Variants in ZPBP observed in about 807,000 individuals in gnomAD.
ZPBP encodes zona pellucida-binding protein 1.
A neutral mutation model predicts 44.8 loss-of-function variants in ZPBP; 26 were observed. That is an observed-to-expected ratio of 0.58 (90% confidence interval 0.43 to 0.81). The LOEUF is 0.81. Among genes scored for constraint, ZPBP ranks in the 30% least tolerant of loss-of-function variants. The probability of loss-of-function intolerance (pLI) is 0.00; values close to 1 mark genes in which losing one functional copy is unlikely to be tolerated. For missense variants in ZPBP, 409 were observed against 434.0 expected (o/e 0.94, Z 0.51); for synonymous variants, 174 against 153.2 (o/e 1.14, Z -1.00).
intron 3 of ZPBP, among the ~76,000 whole-genome samples, chr7:50,076,454 G>GGAAA (rs1802085893): frequency 2.6e-5 from 4 of 151,740 alleles, no homozygotes. Context: ...CATCCAAATT[G>GGAAA]GAAAGAAAGA....
intron 3 of ZPBP, among the ~76,000 whole-genome samples, chr7:50,065,086 A>T (rs1801433569): frequency 6.6e-6 from 1 of 152,228 alleles, no homozygotes; most frequent in East Asian, 1.9e-4. Flanking sequence ...GTAGTCCCTG[A>T]CTTCCCACAA....
chr7:49,912,251 A>T (rs902702668), intron 1 of ZPBP: 30 of 1,495,832 alleles, frequency 2.0e-5, no homozygotes, highest in Non-Finnish European at 2.5e-5. Context: ...ATTCTAGATG[A>T]CTCTGGGAAC....
rs146137930 is a variant in ZPBP, at chr7:49,915,707, A to G, written n.412-14492T>C. ...GAAAACAAAATTATAGACATAAACTATGATTTTAAAAATATTAACAATTTG... is the reference window on the plus strand; with the variant it reads ...GAAAACAAAATTATAGACATAAACTGTGATTTTAAAAATATTAACAATTTG... On this transcript the variant is annotated intron_variant and non_coding_transcript_variant, in intron 1 of 2. Coordinates refer to the ZPBP transcript ENST00000465922. The G allele has an allele frequency of 2.0e-4, 31 of 152,198 alleles. No homozygotes were observed. In the East Asian group the frequency reaches 5.8e-3, roughly 28 times the overall value. The allele number at this position is 152,198 out of a possible 1,614,324, so 9.4% of individuals were successfully genotyped here.
chr7:50,061,956 G>A (rs1477725232), intron 3 of ZPBP, among the ~76,000 whole-genome samples: 1 of 152,152 alleles, frequency 6.6e-6, no homozygotes, highest in Admixed American at 6.6e-5. Context: ...TTCTAGATCT[G>A]ATAAACAACT....
At chr7:49,979,842 T>G (rs1365297307) in intron 7 of ZPBP, among the ~76,000 whole-genome samples, 1 of 76,094 alleles carries the variant, frequency 1.3e-5, no homozygotes, top group Non-Finnish European at 2.4e-5. Context: ...TATATATATA[T>G]ATATAAAATA....
chr7:49,885,286 G>A (rs1791849256), intron 2 of ZPBP, among the ~76,000 whole-genome samples: 2 of 152,036 alleles, frequency 1.3e-5, no homozygotes, highest in Admixed American at 1.3e-4. Context: ...CATAAAATGA[G>A]AGGTAATTTC....
intron 7 of ZPBP, among the ~76,000 whole-genome samples, chr7:49,955,541 A>G (rs926980476): frequency 1.3e-5 from 2 of 152,104 alleles, no homozygotes; most frequent in African/African-American, 4.8e-5. Context: ...TGGGCAAGAG[A>G]GCGAGACTCT....
At chr7:50,009,670 A>G (rs1474858412) in intron 6 of ZPBP, among the ~76,000 whole-genome samples, 3 of 152,108 alleles carry the variant, frequency 2.0e-5, no homozygotes, top group Non-Finnish European at 4.4e-5. Flanking sequence ...TTTATAAAAC[A>G]CAGAGGAAAC....
chr7:49,950,339 G>A (rs1001326520), intron 7 of ZPBP, among the ~76,000 whole-genome samples: 17 of 151,852 alleles, frequency 1.1e-4, no homozygotes, highest in Non-Finnish European at 4.4e-5. Context: ...CCAGCTGTAT[G>A]CTGTTAACAC....
rs1196085530 is a variant in ZPBP, at chr7:49,940,682, A to AT, written c.962-3061dup. 4 of 865,068 alleles carry AT rather than the reference A, an allele frequency of 4.6e-6. No homozygotes were observed. The East Asian group carries it at 4.8e-4, about 105-fold the overall frequency. The allele number at this position is 865,068 out of a possible 1,614,324, so 53.6% of individuals were successfully genotyped here. ...AAAAAAAAAAGCTGTGTTTGAAATG[A>AT]TTAAAAAAAAAAAATTGTGGCATTT... On this transcript the variant is annotated intron_variant, in intron 7 of 7. Coordinates refer to ENST00000046087, the MANE Select transcript of ZPBP (RefSeq NM_007009.3).
At chr7:50,044,267 G>A (rs1168436377) in intron 4 of ZPBP, among the ~76,000 whole-genome samples, 2 of 152,004 alleles carry the variant, frequency 1.3e-5, no homozygotes, top group Non-Finnish European at 2.9e-5. Flanking sequence ...AGAGAAGCAA[G>A]AGCAAACAAA....
intron 7 of ZPBP, among the ~76,000 whole-genome samples, chr7:49,961,784 C>A (rs1795870690): frequency 6.6e-6 from 1 of 151,932 alleles, no homozygotes; most frequent in Non-Finnish European, 1.5e-5. Context: ...AGAGAGAAGA[C>A]AATGAAATTG....
At chr7:50,028,051 C>T (rs1339020966) in intron 5 of ZPBP, among the ~76,000 whole-genome samples, 1 of 151,912 alleles carries the variant, frequency 6.6e-6, no homozygotes, top group Non-Finnish European at 1.5e-5. Context: ...CACTTCCAAA[C>T]TCATATCATG....
chr7:49,952,657 T>C (rs906401540), intron 7 of ZPBP, among the ~76,000 whole-genome samples: 1 of 151,956 alleles, frequency 6.6e-6, no homozygotes, highest in Non-Finnish European at 1.5e-5. Context: ...TGGAAGAGAA[T>C]GGAGCAATGG....
intron 4 of ZPBP, among the ~76,000 whole-genome samples, chr7:50,047,587 T>C (rs79915774): frequency 0.035 from 5,117 of 145,790 alleles, 248 homozygotes; most frequent in African/African-American, 0.12. Context: ...GATAGGAGAC[T>C]AAAACTAGAC....
At chr7:49,969,191 G>T (rs1333196738) in intron 7 of ZPBP, among the ~76,000 whole-genome samples, 1 of 148,642 alleles carries the variant, frequency 6.7e-6, no homozygotes, top group Admixed American at 6.7e-5. Context: ...ACAATAAATA[G>T]AATATGATAT....
chr7:49,938,354 A>C (rs749687747), intron 7 of ZPBP, among the ~76,000 whole-genome samples: 9 of 152,222 alleles, frequency 5.9e-5, no homozygotes, highest in Non-Finnish European at 8.8e-5. Flanking sequence ...TATGAGGATA[A>C]TGAAATCATG....
At chr7:49,908,909 A>G (rs1473888916) in intron 1 of ZPBP, among the ~76,000 whole-genome samples, 1 of 152,248 alleles carries the variant, frequency 6.6e-6, no homozygotes, top group Non-Finnish European at 1.5e-5. Flanking sequence ...TTTATATTCT[A>G]CAGTAAAATG....
chr7:49,867,511 T>C (rs1790950761), intron 2 of ZPBP, among the ~76,000 whole-genome samples: 1 of 152,202 alleles, frequency 6.6e-6, no homozygotes, highest in African/African-American at 2.4e-5. Flanking sequence ...GTATGTCTCA[T>C]GTGCTGACAT....
Sources: gnomAD v4.1 joint callset for allele counts (sites outside exome capture counted in the v4.1 genomes callset) on GRCh38, gnomAD v4.1.1 for gene constraint, MANE v1.5 for transcripts, NCBI Gene and HGNC (gene_info 2026-07-23, HGNC 2026-07-21) for gene names.